The following CDKAL1 variants were observed in gnomAD, a reference collection of about 807,000 sequenced individuals.
CDKAL1 encodes CDKAL1 threonylcarbamoyladenosine tRNA methylthiotransferase.
In CDKAL1, 32 loss-of-function variants were observed where a neutral mutation model predicts 68.2. The observed-to-expected ratio is 0.47, with a 90% CI of 0.35 to 0.63. CDKAL1 has a LOEUF of 0.63. CDKAL1 is among the 30% of genes least tolerant of loss of function. CDKAL1 has a pLI of 0.00. For synonymous variants in CDKAL1, 234 were observed against 244.3 expected, an observed-to-expected ratio of 0.96 and a Z score of 0.39; for missense variants, 606 against 696.7, an observed-to-expected ratio of 0.87 and a Z score of 1.47.
At chr6:20,716,475 T>C (rs1772099323) in intron 5 of CDKAL1, among the ~76,000 whole-genome samples, 1 of 152,032 alleles carries the variant, frequency 6.6e-6, no homozygotes, top group Non-Finnish European at 1.5e-5. Context: ...CCAGTGGAGA[T>C]GAGAAGGGCT....
intron 6 of CDKAL1, among the ~76,000 whole-genome samples, chr6:20,746,802 A>C (rs1383775349): frequency 3.3e-5 from 5 of 152,204 alleles, no homozygotes; most frequent in Non-Finnish European, 7.3e-5. Context: ...TGATTACTAG[A>C]GTCAAGCAAA....
intron 8 of CDKAL1, among the ~76,000 whole-genome samples, chr6:20,814,882 A>G (rs984221225): frequency 1.3e-5 from 2 of 152,128 alleles, no homozygotes; most frequent in Non-Finnish European, 2.9e-5. Context: ...ACTTAGTGTT[A>G]ATGATAGCTG....
chr6:21,059,083 G>C (rs1770996594), intron 11 of CDKAL1, among the ~76,000 whole-genome samples: 1 of 152,176 alleles, frequency 6.6e-6, no homozygotes, highest in Non-Finnish European at 1.5e-5. Flanking sequence ...AGGGAGATCA[G>C]AGATTTCTCT....
intron 5 of CDKAL1, among the ~76,000 whole-genome samples, chr6:20,694,086 G>A (rs1239400838): frequency 1.3e-5 from 2 of 151,484 alleles, no homozygotes; most frequent in Non-Finnish European, 2.9e-5. Context: ...GTGTGTGTGT[G>A]TGTGTGTATG....
intron 9 of CDKAL1, among the ~76,000 whole-genome samples, chr6:20,902,680 G>A (rs1762056755): frequency 1.3e-5 from 2 of 152,114 alleles, no homozygotes; most frequent in African/African-American, 4.8e-5. Context: ...CATAATATTG[G>A]GGAAATTGCT....
At chr6:20,748,971 G>A (rs868567186) in intron 6 of CDKAL1, among the ~76,000 whole-genome samples, 14 of 140,060 alleles carry the variant, frequency 1.0e-4, no homozygotes, top group Admixed American at 2.1e-4. Flanking sequence ...ATATGTATAT[G>A]TATGTGTATA....
In CDKAL1 at chr6:21,201,289, C is replaced by G; in HGVS notation, c.1548+15C>G. On this transcript the variant is annotated intron_variant, in intron 15 of 15. Transcript: ENST00000274695. ...GTTTGACAAAGGTAAGTAAAAGATG[C>G]TCTCCTCTCTACCCTGCTAGTAAAA... 1 of 1,598,054 alleles carries G rather than the reference C, an allele frequency of 6.3e-7. No homozygotes were observed. The highest frequency in any genetic ancestry group is 8.6e-7 in the Non-Finnish European group (1 of 1,167,058).
At chr6:21,024,198 T>C (rs1475410121) in intron 11 of CDKAL1, among the ~76,000 whole-genome samples, 1 of 152,196 alleles carries the variant, frequency 6.6e-6, no homozygotes, top group Non-Finnish European at 1.5e-5. Flanking sequence ...GTATAAATAT[T>C]AGAAGCAATT....
intron 11 of CDKAL1, among the ~76,000 whole-genome samples, chr6:21,010,265 G>A (rs1767941050): frequency 6.6e-6 from 1 of 152,202 alleles, no homozygotes; most frequent in Non-Finnish European, 1.5e-5. Context: ...GTTTCTTAAT[G>A]AAGTATGTGT....
rs531831403 is a variant in CDKAL1 at position 20,955,113 on chromosome 6, G to A, written c.743-306G>A. 8.1e-4 allele frequency among the ~76,000 whole-genome samples: 123 copies of A among 152,234 alleles called. No individual in the cohort carries two copies. In the Middle Eastern group the frequency reaches 0.01, roughly 13 times the overall value. ...AATAAAATAGGTATTCTCTGAGGTG[G>A]GACTGAGGCTTTAGTCTTGATCAAA... On this transcript the variant is annotated intron_variant, in intron 9 of 15. Coordinates refer to ENST00000274695, the MANE Select transcript of CDKAL1 (RefSeq NM_017774.3).
intron 5 of CDKAL1, among the ~76,000 whole-genome samples, chr6:20,660,134 T>C (rs6456369): frequency 0.46 from 69,294 of 151,904 alleles, 17,675 homozygotes; most frequent in African/African-American, 0.7. Flanking sequence ...CCTTCTAAGC[T>C]TCACCTCACC....
chr6:20,737,721 C>T (rs1773259813), intron 5 of CDKAL1, among the ~76,000 whole-genome samples: 1 of 152,182 alleles, frequency 6.6e-6, no homozygotes, highest in African/African-American at 2.4e-5. Flanking sequence ...CAATAATTCT[C>T]TTGGATGTGT....
chr6:21,015,825 A>G (rs967608294), intron 11 of CDKAL1, among the ~76,000 whole-genome samples: 1 of 151,846 alleles, frequency 6.6e-6, no homozygotes, highest in Non-Finnish European at 1.5e-5. Flanking sequence ...GCGCGCGCCT[A>G]TAATCCCAGC....
At chr6:21,169,481 C>T (rs1269678940) in intron 13 of CDKAL1, among the ~76,000 whole-genome samples, 1 of 152,160 alleles carries the variant, frequency 6.6e-6, no homozygotes, top group Non-Finnish European at 1.5e-5. Flanking sequence ...CCAAAACATA[C>T]AAAAATTAGC....
intron 2 of CDKAL1, among the ~76,000 whole-genome samples, chr6:20,538,062 G>A (rs546584120): frequency 2.0e-5 from 3 of 152,300 alleles, no homozygotes; most frequent in Non-Finnish European, 2.9e-5. Flanking sequence ...TGGCTCGAAG[G>A]ATATACATAT....
chr6:20,930,766 CAA>C (rs1763406626), intron 9 of CDKAL1, among the ~76,000 whole-genome samples: 1 of 144,526 alleles, frequency 6.9e-6, no homozygotes, highest in African/African-American at 2.6e-5. Context: ...TTTTTTGAGA[CAA>C]GAGTCTCGCT....
At chr6:21,228,831 A>G (rs1006650828) in intron 15 of CDKAL1, among the ~76,000 whole-genome samples, 4 of 152,168 alleles carry the variant, frequency 2.6e-5, no homozygotes, top group African/African-American at 4.8e-5. Context: ...TCTTGAGGCT[A>G]TTTTAAATAG....
chr6:20,625,474 A>G (rs1228022776), intron 4 of CDKAL1, among the ~76,000 whole-genome samples: 4 of 152,124 alleles, frequency 2.6e-5, no homozygotes, highest in Admixed American at 2.6e-4. Context: ...AATTCACTAA[A>G]TGAATTGAAA....
chr6:20,948,412 C>T lies in CDKAL1; in HGVS notation c.743-7007C>T, dbSNP rs1764362565. 2.0e-5 allele frequency among the ~76,000 whole-genome samples: 3 copies of T among 152,140 alleles called. No individual in the cohort carries two copies. In the South Asian group the frequency reaches 6.2e-4, roughly 32 times the overall value. On this transcript the variant is annotated intron_variant, in intron 9 of 15. Transcript: ENST00000274695. Reference sequence around the variant, plus strand: ...ATTTGTTCTTCATTCCATAATTGAGCTCAGTGGCTGAAATAATGAAAAATC... The same window carrying T: ...ATTTGTTCTTCATTCCATAATTGAGTTCAGTGGCTGAAATAATGAAAAATC...
Sources: gnomAD v4.1 joint callset for allele counts (sites outside exome capture counted in the v4.1 genomes callset) on GRCh38, gnomAD v4.1.1 for gene constraint, MANE v1.5 for transcripts, NCBI Gene and HGNC (gene_info 2026-07-23, HGNC 2026-07-21) for gene names.